NRG3: variants seen among roughly 807,000 people sequenced by gnomAD.
NRG3 encodes pro-neuregulin-3, membrane-bound isoform.
Under a neutral mutation model 66.9 loss-of-function variants are expected in NRG3, and 31 were observed. That is an observed-to-expected ratio of 0.46 (90% CI 0.35 to 0.63). NRG3 has a LOEUF of 0.63. Ranked by LOEUF, NRG3 falls within the 20% of genes least tolerant of loss-of-function variation. The pLI is 0.00. For synonymous variants in NRG3, 393 were observed against 359.4 expected (o/e 1.09, Z -1.06); for missense variants, 910 against 878.9 (o/e 1.04, Z -0.45).
At chr10:81,910,348 C>G (rs79873788) in intron 1 of NRG3, among the ~76,000 whole-genome samples, 1 of 152,132 alleles carries the variant, frequency 6.6e-6, no homozygotes, top group Admixed American at 6.5e-5. Context: ...ATCCCTTTGA[C>G]GGTGGGAACA....
At chr10:82,573,385 G>C in intron 2 of NRG3, among the ~76,000 whole-genome samples, 1 of 151,716 alleles carries the variant, frequency 6.6e-6, no homozygotes, top group East Asian at 1.9e-4. Context: ...CTTTCTCAAA[G>C]CCTTTTTCTT....
intron 3 of NRG3, 70 bp from the exon 4 acceptor site, chr10:82,865,341 A>G: frequency 2.0e-6 from 3 of 1,525,632 alleles, no homozygotes; most frequent in Non-Finnish European, 2.7e-6. Flanking sequence ...ACTGATTTCC[A>G]TGTATAGAGC....
chr10:82,851,715 C>T (rs569847328), intron 3 of NRG3, among the ~76,000 whole-genome samples: 52 of 146,592 alleles, frequency 3.5e-4, no homozygotes, highest in African/African-American at 1.3e-3. Context: ...AACAAAAGTT[C>T]GAAAGTCCAT....
intron 2 of NRG3, among the ~76,000 whole-genome samples, chr10:82,731,290 C>G (rs1426594808): frequency 6.7e-6 from 1 of 149,414 alleles, no homozygotes; most frequent in Non-Finnish European, 1.5e-5. Flanking sequence ...TTGCTTGAGC[C>G]TGGGAGGTGG....
At chr10:82,660,946 A>G (rs904511136) in intron 2 of NRG3, among the ~76,000 whole-genome samples, 1 of 151,664 alleles carries the variant, frequency 6.6e-6, no homozygotes, top group Non-Finnish European at 1.5e-5. Flanking sequence ...AACATATCCT[A>G]TTTTTTCTAA....
chr10:81,897,677 G>A (rs1843650860), intron 1 of NRG3, among the ~76,000 whole-genome samples: 1 of 152,258 alleles, frequency 6.6e-6, no homozygotes, highest in Middle Eastern at 3.4e-3. Context: ...AGGTGTGCAA[G>A]TGAACCTTTT....
At chr10:81,953,530 T>G (rs1849566644) in intron 1 of NRG3, among the ~76,000 whole-genome samples, 1 of 152,184 alleles carries the variant, frequency 6.6e-6, no homozygotes, top group East Asian at 1.9e-4. Flanking sequence ...GTCCATCTCT[T>G]TTTCTATGTT....
intron 4 of NRG3, among the ~76,000 whole-genome samples, chr10:82,903,903 A>T (rs1199507041): frequency 3.3e-5 from 5 of 152,154 alleles, no homozygotes; most frequent in Admixed American, 1.3e-4. Context: ...TATATATGTT[A>T]TAAAGACCAG....
intron 2 of NRG3, among the ~76,000 whole-genome samples, chr10:82,437,763 G>C (rs2090219740): frequency 1.3e-5 from 2 of 152,062 alleles, no homozygotes; most frequent in South Asian, 2.1e-4. Context: ...TATTGTTGTT[G>C]CTTTCTTCTG....
intron 4 of NRG3, among the ~76,000 whole-genome samples, chr10:82,917,168 G>T (rs1272847071): frequency 1.3e-5 from 2 of 152,148 alleles, no homozygotes; most frequent in African/African-American, 4.8e-5. Flanking sequence ...ATTAAACAGG[G>T]TCCTAATATT....
intron 1 of NRG3, among the ~76,000 whole-genome samples, chr10:82,149,671 A>G (rs919310074): frequency 6.6e-6 from 1 of 150,688 alleles, no homozygotes; most frequent in African/African-American, 2.4e-5. Flanking sequence ...AGATATTAAC[A>G]GGCTTGTAGT....
At chr10:82,495,307 T>C (rs1031090244) in intron 2 of NRG3, among the ~76,000 whole-genome samples, 1 of 152,168 alleles carries the variant, frequency 6.6e-6, no homozygotes, top group African/African-American at 2.4e-5. Flanking sequence ...GGTTTTAAAG[T>C]TGACCCTTCT....
At chr10:82,162,010 A>G (rs777380376) in intron 1 of NRG3, among the ~76,000 whole-genome samples, 6 of 152,084 alleles carry the variant, frequency 3.9e-5, no homozygotes, top group Non-Finnish European at 5.9e-5. Flanking sequence ...CAAACCCTCA[A>G]ATGACTTGCC....
At chr10:82,465,304 A>G (rs1284418659) in intron 2 of NRG3, among the ~76,000 whole-genome samples, 1 of 152,212 alleles carries the variant, frequency 6.6e-6, no homozygotes, top group African/African-American at 2.4e-5. Context: ...GGTTGTCTCA[A>G]GTCAGTCACC....
At chr10:82,939,857 C>T (rs1286754998) in intron 4 of NRG3, among the ~76,000 whole-genome samples, 2 of 151,528 alleles carry the variant, frequency 1.3e-5, no homozygotes, top group Non-Finnish European at 2.9e-5. Flanking sequence ...TTTCTACCTC[C>T]TCCCCCACCT....
intron 3 of NRG3, among the ~76,000 whole-genome samples, chr10:82,780,480 C>CTTTTTTTTTTTTTTTTTTTT (rs150086019): frequency 2.8e-5 from 3 of 106,054 alleles, no homozygotes; most frequent in Non-Finnish European, 5.9e-5. Flanking sequence ...TTTTTCTTTT[C>CTTTTTTTTTTTTTTTTTTTT]TTTTTTTTTT....
intron 6 of NRG3, among the ~76,000 whole-genome samples, chr10:82,973,145 TG>T (rs1423144872): frequency 6.6e-6 from 1 of 152,164 alleles, no homozygotes; most frequent in Non-Finnish European, 1.5e-5. Flanking sequence ...ATATTTCTTT[TG>T]GGGTAAAATT....
chr10:82,923,432 G>T (rs1489491997), intron 4 of NRG3, among the ~76,000 whole-genome samples: 1 of 152,114 alleles, frequency 6.6e-6, no homozygotes, highest in Non-Finnish European at 1.5e-5. Flanking sequence ...TTCCCACATT[G>T]CACTCAGTAC....
intron 2 of NRG3, among the ~76,000 whole-genome samples, chr10:82,639,396 A>C (rs1415390600): frequency 6.6e-6 from 1 of 152,178 alleles, no homozygotes; most frequent in Non-Finnish European, 1.5e-5. Flanking sequence ...TAATACCACC[A>C]CCTGGGGATT....
Sources: allele counts gnomAD v4.1 joint callset (sites outside exome capture counted in the v4.1 genomes callset), GRCh38; gene constraint gnomAD v4.1.1; transcripts MANE v1.5; gene names NCBI Gene and HGNC (gene_info 2026-07-23, HGNC 2026-07-21).